Variants in VCF2 observed in about 807,000 individuals in gnomAD.
VCF2 encodes the protein protein VCF2.
the VCF2 span, chrX:55,160,826 C>G: frequency 6.1e-6 from 7 of 1,153,363 alleles, no homozygotes; most frequent in South Asian, 1.1e-4. Context: ...GACCACATCC[C>G]CACCTCACCC....
At chrX:55,159,259 A>G in the VCF2 span, 1 of 1,073,529 alleles carries the variant, frequency 9.3e-7, no homozygotes, top group Admixed American at 2.3e-5. Context: ...GAGAGTTGTT[A>G]CATGAAACAA....
At chrX:55,150,990 T>A in the VCF2 span, among the ~76,000 whole-genome samples, 1 of 112,724 alleles carries the variant, frequency 8.9e-6, no homozygotes, top group Non-Finnish European at 1.9e-5. Context: ...TAACTTTTGT[T>A]TCTGAGTCCA....
the VCF2 span, chrX:55,146,193 A>C: frequency 1.7e-6 from 2 of 1,211,312 alleles, no homozygotes; most frequent in Non-Finnish European, 2.2e-6. Flanking sequence ...CTCATGCAAG[A>C]ACTGGGGAAA....
chrX:55,145,568 T>C, the VCF2 span: 1 of 756,483 alleles, frequency 1.3e-6, no homozygotes, highest in African/African-American at 2.3e-5. Flanking sequence ...GAGGGGAGTA[T>C]GGCAGTTCAT....
the VCF2 span, among the ~76,000 whole-genome samples, chrX:55,149,104 T>C: frequency 1.8e-5 from 2 of 111,739 alleles, no homozygotes; most frequent in Admixed American, 9.5e-5. Flanking sequence ...CAAGTATCAT[T>C]TTCATTAGTT....
the VCF2 span, chrX:55,146,253 C>T: frequency 8.3e-7 from 1 of 1,207,112 alleles, no homozygotes; most frequent in Non-Finnish European, 1.1e-6. Context: ...TTCTGGTCCA[C>T]TTGCTCTCTC....
chrX:55,146,437 T>A, the VCF2 span: 1 of 586,826 alleles, frequency 1.7e-6, no homozygotes, highest in Admixed American at 2.7e-5. Context: ...TAGAGCCATT[T>A]AAGATAGTTC....
At chrX:55,156,987 A>T in the VCF2 span, among the ~76,000 whole-genome samples, 1 of 112,371 alleles carries the variant, frequency 8.9e-6, no homozygotes, top group Non-Finnish European at 1.9e-5. Flanking sequence ...AAATGTACAA[A>T]ATAGATTAGG....
the VCF2 span, chrX:55,161,097 C>A: frequency 8.3e-7 from 1 of 1,207,067 alleles, no homozygotes; most frequent in East Asian, 3.0e-5. Flanking sequence ...GGGACCAGAG[C>A]TCGGACTGGT....
At chrX:55,156,177 C>T in the VCF2 span, among the ~76,000 whole-genome samples, 1 of 111,207 alleles carries the variant, frequency 9.0e-6, no homozygotes, top group Non-Finnish European at 1.9e-5. Flanking sequence ...TAGTCTTGAA[C>T]TCCTGACCTC....
the VCF2 span, among the ~76,000 whole-genome samples, chrX:55,155,625 A>C: frequency 9.0e-6 from 1 of 111,619 alleles, no homozygotes; most frequent in African/African-American, 3.3e-5. Flanking sequence ...GGAGGAGCTA[A>C]GGTTTACTGA....
chrX:55,159,090 C>A, the VCF2 span: 1 of 1,007,182 alleles, frequency 9.9e-7, no homozygotes, highest in East Asian at 3.2e-5. Flanking sequence ...TTAGTGTAGG[C>A]AATGAATGAA....
the VCF2 span, among the ~76,000 whole-genome samples, chrX:55,144,035 TTTA>T: frequency 5.4e-5 from 6 of 111,489 alleles, no homozygotes; most frequent in East Asian, 2.8e-4. Flanking sequence ...ATGTAATTGC[TTTA>T]TTATTATTAT....
the VCF2 span, among the ~76,000 whole-genome samples, chrX:55,149,184 T>C: frequency 9.0e-6 from 1 of 110,661 alleles, no homozygotes; most frequent in African/African-American, 3.3e-5. Flanking sequence ...GTTTTTTTTT[T>C]TTTTTTTCTT....
At chrX:55,160,314 T>G in the VCF2 span, among the ~76,000 whole-genome samples, 1 of 112,495 alleles carries the variant, frequency 8.9e-6, no homozygotes, top group South Asian at 3.7e-4. Context: ...GATCATGGTA[T>G]TTTGAGTATT....
the VCF2 span, among the ~76,000 whole-genome samples, chrX:55,158,018 T>C: frequency 1.8e-5 from 2 of 112,250 alleles, no homozygotes; most frequent in African/African-American, 6.5e-5. Context: ...AATATTCCTA[T>C]ATGTGCAAAC....
At chrX:55,160,028 G>A in the VCF2 span, among the ~76,000 whole-genome samples, 1 of 111,636 alleles carries the variant, frequency 9.0e-6, no homozygotes, top group South Asian at 3.8e-4. Flanking sequence ...TCATCTCTAG[G>A]AGACTGAGTA....
the VCF2 span, chrX:55,146,232 T>C: frequency 8.3e-7 from 1 of 1,211,619 alleles, no homozygotes; most frequent in East Asian, 3.0e-5. Context: ...AACAATCTGG[T>C]TTAAGTTGCC....
At chrX:55,161,126 G>A in the VCF2 span, 3 of 1,208,911 alleles carry the variant, frequency 2.5e-6, no homozygotes, top group Non-Finnish European at 2.2e-6. Context: ...GAAAGGCCCC[G>A]ACGAACTTAC....
Sources: gnomAD v4.1 joint callset for allele counts (sites outside exome capture counted in the v4.1 genomes callset) on GRCh38, gnomAD v4.1.1 for gene constraint, MANE v1.5 for transcripts, NCBI Gene and HGNC (gene_info 2026-07-23, HGNC 2026-07-21) for gene names.